ZC3H13: variants seen among roughly 807,000 people sequenced by gnomAD.
The protein encoded by ZC3H13 is zinc finger CCCH domain-containing protein 13.
A neutral mutation model predicts 204.1 loss-of-function variants in ZC3H13; 64 were observed. The ratio of observed to expected loss-of-function variants is 0.31; its 90% CI spans 0.26 to 0.39. The LOEUF (loss-of-function observed/expected upper bound fraction) is 0.39, where lower values mean the gene tolerates loss of function less well. Among genes scored for constraint, ZC3H13 ranks in the 10% least tolerant of loss-of-function variants. The pLI is 1.00. For synonymous variants in ZC3H13, 667 were observed against 693.7 expected (o/e 0.96, Z 0.60); for missense variants, 1,833 against 2,082.7 (o/e 0.88, Z 2.33).
In ZC3H13 at chr13:45,975,448, C is replaced by T. The variant is rs1952941566; in HGVS notation, c.2303G>A (p.Arg768Gln). 6 of 1,613,618 alleles carry T rather than the reference C, an allele frequency of 3.7e-6. No individual in the cohort carries two copies. Among genetic ancestry groups the T allele is most frequent in the Non-Finnish European group, 5.1e-6 (6 of 1,179,812 alleles). The part of the protein sequence containing the change: ...RERERERERE[R>Q]ERERERERAR... The stretch of plus-strand genomic sequence containing the variant: ...TCTTTCTCGTTCCCGTTCTCGCTCT[C>T]GCTCTCTCTCCCGTTCTCGCTCTCT... Residue 768 changes from arginine (R) to glutamine (Q), a missense_variant, in exon 12 of 19, where the codon CGA (arginine) becomes CAA (glutamine). Transcript: ENST00000679008.
Position 45,957,166 on chromosome 13 carries a change from A to G in ZC3H13, c.4971T>C (p.Leu1657=), listed in dbSNP as rs1328389876. ...PGHEKTEDNK[L]SQSSIQQELC... ...GTTCCTGTTGGATACTGGACTGTGA[A>G]AGTTTATTATCTTCAGTCTTTTCAT... The change falls in exon 19 of 19, where the codon CTT becomes CTC. Residue 1657 remains leucine (L), a synonymous_variant. Coordinates refer to ENST00000679008, the MANE Select transcript of ZC3H13 (RefSeq NM_001330564.2). 4.5e-6 allele frequency: 7 copies of G among 1,546,838 alleles called. No homozygotes were observed. In the South Asian group the frequency reaches 8.4e-5, roughly 19 times the overall value.
intron 1 of ZC3H13, among the ~76,000 whole-genome samples, chr13:46,048,031 T>A (rs1482080521): frequency 2.0e-5 from 3 of 152,096 alleles, no homozygotes; most frequent in Admixed American, 2.0e-4. Flanking sequence ...CCCAGCTCAG[T>A]CTCCTTCAAA....
intron 3 of ZC3H13, among the ~76,000 whole-genome samples, chr13:46,044,532 GA>G (rs1259077236): frequency 6.6e-6 from 1 of 151,966 alleles, no homozygotes; most frequent in Non-Finnish European, 1.5e-5. Context: ...TTAACCTATA[GA>G]ATTTGTACAA....
chr13:45,998,292 C>T (rs1175664509), intron 8 of ZC3H13, among the ~76,000 whole-genome samples: 1 of 152,140 alleles, frequency 6.6e-6, no homozygotes, highest in Non-Finnish European at 1.5e-5. Flanking sequence ...TTTCCTAGTA[C>T]ACACACAAGT....
At chr13:45,980,336 A>ATAT (rs547199139) in intron 10 of ZC3H13, among the ~76,000 whole-genome samples, 15 of 152,344 alleles carry the variant, frequency 9.8e-5, no homozygotes, top group African/African-American at 3.4e-4. Context: ...AGATATATAA[A>ATAT]AATAATGAAA....
In ZC3H13 at chr13:45,979,955, G is replaced by A; in HGVS notation, c.1770C>T (p.Ser590=). 2.5e-6 allele frequency: 4 copies of A among 1,611,936 alleles called. No individual in the cohort carries two copies. The highest frequency in any genetic ancestry group is 3.4e-6 in the Non-Finnish European group (4 of 1,178,960). Residue 590 remains serine, a synonymous_variant, in exon 11 of 19, where the codon AGC becomes AGT. Coordinates refer to ENST00000679008, the MANE Select transcript of ZC3H13 (RefSeq NM_001330564.2). ...GSQIDSHSSN[S]NYHDSWETRS... is the part of the protein sequence containing the mutation. ...GAGTTTCCCAGCTGTCATGATAGTT[G>A]CTATTACTACTGTGACTATCAATTT...
At chr13:46,008,750 G>T (rs1056718234) in intron 7 of ZC3H13, among the ~76,000 whole-genome samples, 1 of 152,132 alleles carries the variant, frequency 6.6e-6, no homozygotes, top group Admixed American at 6.6e-5. Context: ...AAGTGAAGTG[G>T]AGCGTATCAC....
chr13:45,964,033 T>A lies in ZC3H13; in HGVS notation c.4484A>T (p.Asp1495Val). 3 of 1,606,656 alleles carry A rather than the reference T, an allele frequency of 1.9e-6. No homozygotes were observed. Among genetic ancestry groups the A allele is most frequent in the Admixed American group, 3.4e-5 (2 of 58,220 alleles). ...QDEEKMPDPL[D>V]VIDVDWSGLM... ...ACCAGACCAATCCACATCTATCACA[T>A]CTAAGGGATCTGTAAAAAGTTAAAA... is the stretch of plus-strand genomic sequence containing the variant. The change falls in exon 17 of 19, where the codon GAT (aspartate) becomes GTT (valine). Residue 1495 changes from aspartate (D) to valine (V), a missense_variant. Around this residue, in one of 5 missense-constraint regions of ZC3H13, gnomAD observed 211 missense variants for 228.4 expected, o/e 0.92. Coordinates refer to ENST00000679008, the MANE Select transcript of ZC3H13 (RefSeq NM_001330564.2).
rs1324968577 is a variant in ZC3H13 at position 45,969,448 on chromosome 13, C to T, written c.3096G>A (p.Arg1032=). ...AQQSKKKRGP[R]TPPITTKEEL... The stretch of plus-strand genomic sequence containing the variant: ...CCTCTTTAGTTGTTATAGGGGGAGT[C>T]CGTGGGCCTCTTTTCTTCTTACTTT... Residue 1032 remains arginine, a synonymous_variant, in exon 14 of 19, where the codon CGG becomes CGA. Coordinates refer to ENST00000679008, the MANE Select transcript of ZC3H13 (RefSeq NM_001330564.2). 2.5e-6 allele frequency: 4 copies of T among 1,613,742 alleles called. No homozygotes were observed. The highest frequency in any genetic ancestry group is 3.4e-6 in the Non-Finnish European group (4 of 1,179,982).
chr13:45,968,958 G>A lies in ZC3H13; in HGVS notation c.3586C>T (p.Arg1196Trp), dbSNP rs1952327967. 4 of 1,614,076 alleles carry A rather than the reference G, an allele frequency of 2.5e-6. No homozygotes were observed. The highest frequency in any genetic ancestry group is 1.3e-5 in the African/African-American group (1 of 74,922). ...QKRSSSLGSN[R>W]SNRSHTSGRL... ...CCAGACGTATGACTACGGTTACTCC[G>A]ATTGCTCCCGAGGCTGCTGCTCCTC... The change falls in exon 14 of 19, where the codon CGG becomes TGG. Residue 1196 changes from arginine to tryptophan, a missense_variant. By Grantham distance (101) the Arg-to-Trp change is moderately radical (BLOSUM62 -3). Around this residue, in one of 5 missense-constraint regions of ZC3H13, gnomAD observed 1,574 missense variants for 1,757.2 expected, o/e 0.90. Coordinates refer to ENST00000679008, the MANE Select transcript of ZC3H13 (RefSeq NM_001330564.2).
chr13:45,979,004 T>C (rs898520489), intron 11 of ZC3H13, among the ~76,000 whole-genome samples: 1 of 152,064 alleles, frequency 6.6e-6, no homozygotes, highest in African/African-American at 2.4e-5. Flanking sequence ...AGATATAATA[T>C]TACCTCTTTG....
intron 4 of ZC3H13, among the ~76,000 whole-genome samples, chr13:46,033,309 A>C (rs1566334316): frequency 6.6e-6 from 1 of 152,136 alleles, no homozygotes; most frequent in Non-Finnish European, 1.5e-5. Flanking sequence ...TTGACTATAT[A>C]TTCCTAATAG....
rs537366313 is a variant in ZC3H13, at chr13:45,963,376, C to T, written c.4675+466G>A. On this transcript the variant is annotated intron_variant, in intron 17 of 18. Coordinates refer to ENST00000679008, the MANE Select transcript of ZC3H13 (RefSeq NM_001330564.2). ...TTTTTCCTGGCTCTGCTTCATTTAG[C>T]CAAGGGCAAACCACTGAGCACTTTG... 1.8e-5 allele frequency: 18 copies of T among 986,782 alleles called. No individual in the cohort carries two copies. The South Asian group carries it at 6.5e-4, about 36-fold the overall frequency. 61.1% of individuals were successfully genotyped at this position (986,782 alleles called of 1,614,324 possible).
intron 4 of ZC3H13, among the ~76,000 whole-genome samples, chr13:46,023,033 AT>A (rs1178143788): frequency 6.6e-6 from 1 of 152,160 alleles, no homozygotes; most frequent in Non-Finnish European, 1.5e-5. Flanking sequence ...TGGGCAGATT[AT>A]GTTCATCATT....
chr13:46,027,341 A>G (rs1472313354), intron 4 of ZC3H13, among the ~76,000 whole-genome samples: 1 of 152,154 alleles, frequency 6.6e-6, no homozygotes, highest in Non-Finnish European at 1.5e-5. Flanking sequence ...TCTGAGCTCA[A>G]GCAATCTGCC....
chr13:45,971,998 A>C lies in ZC3H13; in HGVS notation c.2469-1533T>G, dbSNP rs1042455558. On this transcript the variant is annotated intron_variant, in intron 12 of 18. Coordinates refer to ENST00000679008, the MANE Select transcript of ZC3H13 (RefSeq NM_001330564.2). ...AAATGGCCATTAAAAAGTAAAAAAA[A>C]CAGGAGATGTTAGCATAGACATGGT... Among the ~76,000 whole-genome samples the C allele has an allele frequency of 5.9e-5, 9 of 152,232 alleles. No individual in the cohort carries two copies. The East Asian group carries it at 7.7e-4, about 13-fold the overall frequency.
intron 10 of ZC3H13, among the ~76,000 whole-genome samples, chr13:45,980,460 G>A (rs145814848): frequency 2.0e-5 from 3 of 152,158 alleles, no homozygotes; most frequent in Non-Finnish European, 4.4e-5. Flanking sequence ...TTCATTAACA[G>A]ATGTGGGAAA....
At chr13:46,013,722 C>T (rs889770851) in intron 5 of ZC3H13, among the ~76,000 whole-genome samples, 5 of 152,252 alleles carry the variant, frequency 3.3e-5, no homozygotes, top group Admixed American at 2.0e-4. Flanking sequence ...GTTATCACTA[C>T]AATTTTGCCT....
At chr13:45,988,718 A>G (rs1450487962) in intron 9 of ZC3H13, 69 bp downstream of exon 9, 4 of 1,508,166 alleles carry the variant, frequency 2.7e-6, no homozygotes, top group East Asian at 2.3e-5. Context: ...GTCTTTCTCC[A>G]TCTCTTAGTA....
Sources: allele counts gnomAD v4.1 joint callset (sites outside exome capture counted in the v4.1 genomes callset), GRCh38; gene constraint gnomAD v4.1.1; regional missense constraint gnomAD v4.1.1; transcripts MANE v1.5; gene names NCBI Gene and HGNC (gene_info 2026-07-23, HGNC 2026-07-21).